CRISPLD2: variants seen among roughly 807,000 people sequenced by gnomAD.
The protein encoded by CRISPLD2 is cysteine-rich secretory protein LCCL domain-containing 2.
Under a neutral mutation model 71.1 loss-of-function variants are expected in CRISPLD2, and 47 were observed. The ratio of observed to expected loss-of-function variants is 0.66; its 90% CI spans 0.52 to 0.84. The LOEUF (loss-of-function observed/expected upper bound fraction) is 0.84, where lower values mean the gene tolerates loss of function less well. Ranked by LOEUF, CRISPLD2 falls within the 40% of genes least tolerant of loss-of-function variation. The probability of loss-of-function intolerance (pLI) is 0.00; values close to 1 mark genes in which losing one functional copy is unlikely to be tolerated. For synonymous variants in CRISPLD2, 317 were observed against 250.1 expected, an observed-to-expected ratio of 1.27 and a Z score of -2.52; for missense variants, 830 against 651.1, an observed-to-expected ratio of 1.27 and a Z score of -2.99.
intron 14 of CRISPLD2, among the ~76,000 whole-genome samples, chr16:84,900,343 G>C (rs1165332113): frequency 6.6e-6 from 1 of 152,136 alleles, no homozygotes; most frequent in Non-Finnish European, 1.5e-5. Context: ...TGGCTAGTCT[G>C]GCAGTTTCCA....
chr16:84,879,361 C>CTTT (rs376471544), intron 12 of CRISPLD2, among the ~76,000 whole-genome samples: 2,294 of 83,024 alleles, frequency 0.028, 74 homozygotes, highest in African/African-American at 0.14. Flanking sequence ...CTTTCCAATT[C>CTTT]TTTTTTTTTT....
At chr16:84,881,116 A>C (rs1004639522) in intron 13 of CRISPLD2, among the ~76,000 whole-genome samples, 1 of 152,180 alleles carries the variant, frequency 6.6e-6, no homozygotes, top group Non-Finnish European at 1.5e-5. Context: ...CAGATTCAGG[A>C]GTGCCTGGCC....
In CRISPLD2 at chr16:84,870,219, A is replaced by C. The variant is rs550236413; in HGVS notation, c.914+1308A>C. 2.0e-4 allele frequency among the ~76,000 whole-genome samples: 31 copies of C among 152,352 alleles called. 3 individuals carry two copies. In the South Asian group the frequency reaches 6.0e-3, roughly 29 times the overall value. ...CAACAACAAAAAAGTAGAAAGAAAAAAATGTGTTCCAAAATCTCATCAATA... is the reference window on the plus strand; with the variant it reads ...CAACAACAAAAAAGTAGAAAGAAAACAATGTGTTCCAAAATCTCATCAATA... On this transcript the variant is annotated intron_variant, in intron 8 of 14. Transcript: ENST00000262424.
chr16:84,860,663 A>G lies in CRISPLD2; in HGVS notation c.709+5834A>G, dbSNP rs531945825. ...CTGTTTCTTCTGGCAAAAAAGGTTT[A>G]TCAGCATTTACAAGCTCAGTGTCCC... is the stretch of plus-strand genomic sequence containing the variant. On this transcript the variant is annotated intron_variant, in intron 6 of 14. Coordinates refer to ENST00000262424, the MANE Select transcript of CRISPLD2 (RefSeq NM_031476.4). 7.9e-5 allele frequency among the ~76,000 whole-genome samples: 12 copies of G among 152,314 alleles called. No individual in the cohort carries two copies. The South Asian group carries it at 1.9e-3, about 24-fold the overall frequency.
At chr16:84,836,236 T>C (rs1172468339) in intron 1 of CRISPLD2, 2 of 152,206 alleles carry the variant, frequency 1.3e-5, no homozygotes, top group Non-Finnish European at 2.9e-5. Context: ...AGCATCGTCA[T>C]GACACCAGGA....
intron 1 of CRISPLD2, among the ~76,000 whole-genome samples, chr16:84,822,045 T>G (rs1283828091): frequency 6.6e-6 from 1 of 152,240 alleles, no homozygotes; most frequent in Non-Finnish European, 1.5e-5. Flanking sequence ...CAGAGCTTGC[T>G]GCTAGTTGAG....
At position 84,833,153 on chromosome 16, in the gene CRISPLD2, G is replaced by C. The variant is rs1221974855; in HGVS notation, c.-74-5269G>C. On this transcript the variant is annotated intron_variant, in intron 1 of 14. Coordinates refer to ENST00000262424, the MANE Select transcript of CRISPLD2 (RefSeq NM_031476.4). ...TGGGGCTGAAAACAGCTGCCTCCCT[G>C]CTAGAGTCCAAATGCATCTCAAAGC... Among the ~76,000 whole-genome samples the C allele has an allele frequency of 3.3e-5, 5 of 152,192 alleles. No individual in the cohort carries two copies. The East Asian group carries it at 9.6e-4, about 29-fold the overall frequency.
intron 1 of CRISPLD2, among the ~76,000 whole-genome samples, chr16:84,827,424 G>T (rs1916379656): frequency 6.6e-6 from 1 of 152,050 alleles, no homozygotes; most frequent in African/African-American, 2.4e-5. Context: ...TCACCACCTG[G>T]CCCTGGCTGC....
chr16:84,847,932 G>A (rs1214456539), intron 3 of CRISPLD2, among the ~76,000 whole-genome samples: 2 of 152,196 alleles, frequency 1.3e-5, no homozygotes, highest in Admixed American at 6.5e-5. Context: ...ACAGACCAAA[G>A]TTGACCCGTT....
rs762184777 is a variant in CRISPLD2 at position 84,854,721 on chromosome 16, G to C, written c.609-8G>C. 1 of 1,612,104 alleles carries C rather than the reference G, an allele frequency of 6.2e-7. No homozygotes were observed. Among genetic ancestry groups the C allele is most frequent in the South Asian group, 1.1e-5 (1 of 91,038 alleles). ...CCCTCTGACGGTTGTTTTTGGGTCT[G>C]TCCTCAGGGGGAACTGGATTGGAGA... On this transcript the variant is annotated splice_polypyrimidine_tract_variant and splice_region_variant and intron_variant, in intron 5 of 14. Transcript: ENST00000262424.
chr16:84,896,916 C>T (rs1005548943), intron 14 of CRISPLD2, among the ~76,000 whole-genome samples: 1 of 152,352 alleles, frequency 6.6e-6, no homozygotes, highest in Non-Finnish European at 1.5e-5. Context: ...CACAGGGCAG[C>T]TTCCCTGTCT....
rs115017771 is a variant in CRISPLD2 at position 84,882,885 on chromosome 16, G to A, written c.1305+2301G>A. The stretch of plus-strand genomic sequence containing the variant: ...ACAGGTGAACATGTGTCCGGCTTTC[G>A]ACTCTGCTCTTTCCCTGGTGTATGC... On this transcript the variant is annotated intron_variant, in intron 13 of 14. Coordinates refer to ENST00000262424, the MANE Select transcript of CRISPLD2 (RefSeq NM_031476.4). Among the ~76,000 whole-genome samples, 1,098 of 152,234 alleles carry A rather than the reference G, an allele frequency of 7.2e-3. 11 individuals carry two copies. The highest frequency in any genetic ancestry group is 0.025 in the African/African-American group (1,039 of 41,536).
intron 2 of CRISPLD2, among the ~76,000 whole-genome samples, chr16:84,844,107 G>A (rs948785254): frequency 2.0e-5 from 3 of 152,258 alleles, no homozygotes; most frequent in Admixed American, 6.5e-5. Context: ...GAAGTGCAGC[G>A]TCAGCTGCCA....
chr16:84,832,804 G>A (rs1202464957), intron 1 of CRISPLD2, among the ~76,000 whole-genome samples: 1 of 152,238 alleles, frequency 6.6e-6, no homozygotes, highest in East Asian at 1.9e-4. Flanking sequence ...GGCACTTGCA[G>A]CCCAGGCCAA....
intron 14 of CRISPLD2, 88 bp downstream of exon 14, chr16:84,889,451 C>A (rs1324551470): frequency 7.9e-6 from 11 of 1,384,046 alleles, no homozygotes; most frequent in Non-Finnish European, 1.1e-5. Context: ...GAGTCATTAC[C>A]CTTTAAAATA....
At chr16:84,871,029 C>G (rs1170757473) in intron 8 of CRISPLD2, among the ~76,000 whole-genome samples, 2 of 152,036 alleles carry the variant, frequency 1.3e-5, no homozygotes, top group Admixed American at 6.6e-5. Flanking sequence ...TGCACTCTGG[C>G]CTGGGTGACA....
chr16:84,871,804 G>A (rs957691549), intron 8 of CRISPLD2, among the ~76,000 whole-genome samples: 3 of 147,056 alleles, frequency 2.0e-5, no homozygotes, highest in Non-Finnish European at 3.0e-5. Flanking sequence ...CACCTGCCTT[G>A]GCCTCCCAAA....
chr16:84,827,968 G>C (rs777470048), intron 1 of CRISPLD2, among the ~76,000 whole-genome samples: 15 of 152,112 alleles, frequency 9.9e-5, no homozygotes, highest in Non-Finnish European at 1.9e-4. Context: ...CCGTGTGTCC[G>C]GGATGTCCTG....
intron 6 of CRISPLD2, among the ~76,000 whole-genome samples, 173 bp downstream of exon 6, chr16:84,855,002 G>A (rs1053334410): frequency 1.3e-5 from 2 of 152,114 alleles, no homozygotes; most frequent in African/African-American, 4.8e-5. Flanking sequence ...TCATCTCCAG[G>A]GTCTAGGCTC....
Sources: gnomAD v4.1 joint callset for allele counts (sites outside exome capture counted in the v4.1 genomes callset) on GRCh38, gnomAD v4.1.1 for gene constraint, MANE v1.5 for transcripts, NCBI Gene and HGNC (gene_info 2026-07-23, HGNC 2026-07-21) for gene names.